Variants in SLCO3A1 observed in about 807,000 individuals in gnomAD.
The protein encoded by SLCO3A1 is PGE1 transporter.
SLCO3A1 carries 27 observed loss-of-function variants against 63.1 expected under a neutral mutation model. The observed-to-expected ratio is 0.43, with a 90% CI of 0.32 to 0.59. The LOEUF (loss-of-function observed/expected upper bound fraction) is 0.59, where lower values mean the gene tolerates loss of function less well. Among genes scored for constraint, SLCO3A1 ranks in the 20% least tolerant of loss-of-function variants. The pLI, the probability that SLCO3A1 is intolerant of heterozygous loss-of-function variation, is 0.09. For synonymous variants in SLCO3A1, 473 were observed against 409.9 expected (o/e 1.15, Z -1.86); for missense variants, 773 against 945.8 (o/e 0.82, Z 2.40).
chr15:92,163,249 A>G lies in SLCO3A1; in HGVS notation c.*114A>G. 1 of 1,410,220 alleles carries G rather than the reference A, an allele frequency of 7.1e-7. No individual in the cohort carries two copies. The allele number at this position is 1,410,220 out of a possible 1,614,324, so 87.4% of individuals were successfully genotyped here. ...ACTCAGTACACACACACAGGCACAG[A>G]TGCACACACACGCAGACAGACACAC... On this transcript the variant is annotated 3_prime_UTR_variant, in exon 10 of 10. Transcript: ENST00000318445.
intron 2 of SLCO3A1, among the ~76,000 whole-genome samples, chr15:92,082,404 G>C (rs1022500359): frequency 6.6e-6 from 1 of 152,184 alleles, no homozygotes; most frequent in Non-Finnish European, 1.5e-5. Context: ...GGAGGCCAAG[G>C]ATGTTCAAGC....
intron 2 of SLCO3A1, among the ~76,000 whole-genome samples, chr15:91,988,732 T>C (rs1349688514): frequency 6.6e-6 from 1 of 152,216 alleles, no homozygotes; most frequent in Non-Finnish European, 1.5e-5. Context: ...CAGGTGATGC[T>C]GATGCTGCTG....
At chr15:91,906,704 A>G (rs1485453506) in intron 1 of SLCO3A1, among the ~76,000 whole-genome samples, 3 of 152,238 alleles carry the variant, frequency 2.0e-5, no homozygotes, top group Non-Finnish European at 4.4e-5. Flanking sequence ...CCCTGGCACC[A>G]CAGAAGTTGG....
chr15:91,922,521 A>T (rs1395895456), intron 2 of SLCO3A1, among the ~76,000 whole-genome samples: 1 of 152,210 alleles, frequency 6.6e-6, no homozygotes, highest in Non-Finnish European at 1.5e-5. Context: ...CCAGCAACCA[A>T]AGAGAACCAA....
chr15:92,137,674 T>A (rs2048076473), intron 7 of SLCO3A1, among the ~76,000 whole-genome samples: 1 of 108,294 alleles, frequency 9.2e-6, no homozygotes, highest in Non-Finnish European at 1.8e-5. Context: ...TTCTAACTGG[T>A]GTGAGATGGT....
intron 6 of SLCO3A1, among the ~76,000 whole-genome samples, chr15:92,126,845 A>G (rs2047930622): frequency 6.6e-6 from 1 of 152,230 alleles, no homozygotes. Flanking sequence ...GGGAGTCTTC[A>G]GCTATCCAGT....
At chr15:91,864,131 C>T (rs915227956) in intron 1 of SLCO3A1, among the ~76,000 whole-genome samples, 1 of 152,176 alleles carries the variant, frequency 6.6e-6, no homozygotes, top group African/African-American at 2.4e-5. Context: ...CAACCTTGTT[C>T]GATTTCTAGA....
chr15:92,162,612 G>C, intron 9 of SLCO3A1, 144 bp from the exon 10 acceptor site: 1 of 1,330,604 alleles, frequency 7.5e-7, no homozygotes, highest in Non-Finnish European at 1.0e-6. Context: ...ACAAACTCAT[G>C]CGCTTTGCCT....
intron 1 of SLCO3A1, among the ~76,000 whole-genome samples, chr15:91,868,507 C>T (rs937579339): frequency 1.3e-5 from 2 of 152,008 alleles, no homozygotes; most frequent in African/African-American, 4.8e-5. Flanking sequence ...AAACTGTAAA[C>T]ATTTTGGCGT....
chr15:92,151,251 T>G, intron 9 of SLCO3A1: 1 of 434,796 alleles, frequency 2.3e-6, no homozygotes, highest in Non-Finnish European at 4.1e-6. Flanking sequence ...CCGTGAATTC[T>G]CATCGGCATA....
chr15:91,960,274 C>T (rs971132720), intron 2 of SLCO3A1, among the ~76,000 whole-genome samples: 3 of 152,170 alleles, frequency 2.0e-5, no homozygotes, highest in Admixed American at 6.5e-5. Context: ...TGAGCCACCA[C>T]GCCCGGCCTT....
At chr15:92,053,692 G>GTTTTTT (rs1491517930) in intron 2 of SLCO3A1, among the ~76,000 whole-genome samples, 1 of 28,960 alleles carries the variant, frequency 3.5e-5, no homozygotes, top group African/African-American at 6.9e-5. Flanking sequence ...TTGTTTGTTT[G>GTTTTTT]TTTGTTTTTT....
In SLCO3A1 at chr15:91,941,601, G is replaced by A. The variant is rs190168778; in HGVS notation, c.646+25143G>A. ...AGTAAGTAATCTTTTCTCTTCCTTC[G>A]TCTTGGAGGTTTTGAAGCTTCTAAT... is the stretch of plus-strand genomic sequence containing the variant. On this transcript the variant is annotated intron_variant, in intron 2 of 9. Coordinates refer to ENST00000318445, the MANE Select transcript of SLCO3A1 (RefSeq NM_013272.4). The surrounding 1 kb of genome is among the most constrained non-coding windows in gnomAD (Gnocchi z 4.4). 8 of 455,532 alleles carry A rather than the reference G, an allele frequency of 1.8e-5. No homozygotes were observed. In the East Asian group the frequency reaches 2.1e-4, roughly 12 times the overall value. The allele number at this position is 455,532 out of a possible 1,614,324, so 28.2% of individuals were successfully genotyped here.
chr15:91,923,890 C>T (rs1460098263), intron 2 of SLCO3A1, among the ~76,000 whole-genome samples: 1 of 152,084 alleles, frequency 6.6e-6, no homozygotes, highest in Non-Finnish European at 1.5e-5. Flanking sequence ...ATTATTTTGT[C>T]AATCTAGAAA....
intron 2 of SLCO3A1, among the ~76,000 whole-genome samples, chr15:91,971,521 T>C (rs1900871448): frequency 6.6e-6 from 1 of 152,006 alleles, no homozygotes; most frequent in African/African-American, 2.4e-5. Flanking sequence ...ATGATTTTAC[T>C]GTTTGAAAAG....
intron 2 of SLCO3A1, among the ~76,000 whole-genome samples, chr15:92,067,374 T>C (rs1289068523): frequency 6.6e-6 from 1 of 152,046 alleles, no homozygotes; most frequent in African/African-American, 2.4e-5. Context: ...AGCCCTCACG[T>C]AGGTCATGTA....
chr15:92,039,934 A>AGCC (rs2046777284), intron 2 of SLCO3A1, among the ~76,000 whole-genome samples: 1 of 152,234 alleles, frequency 6.6e-6, no homozygotes, highest in Non-Finnish European at 1.5e-5. Context: ...TGAAGCTGGA[A>AGCC]GCCATCATCC....
chr15:91,944,477 G>C (rs753211562), intron 2 of SLCO3A1, among the ~76,000 whole-genome samples: 4 of 152,154 alleles, frequency 2.6e-5, no homozygotes, highest in Non-Finnish European at 5.9e-5. Flanking sequence ...AGCAGCTGCA[G>C]CGTGGGGCTC....
intron 5 of SLCO3A1, among the ~76,000 whole-genome samples, chr15:92,125,145 C>T (rs570899066): frequency 1.3e-5 from 2 of 152,166 alleles, no homozygotes; most frequent in African/African-American, 4.8e-5. Context: ...TTTGCATTCC[C>T]TTAGCACATA....
Sources: allele counts gnomAD v4.1 joint callset (sites outside exome capture counted in the v4.1 genomes callset), GRCh38; gene constraint gnomAD v4.1.1; non-coding constraint Gnocchi (gnomAD v3.1); transcripts MANE v1.5; gene names NCBI Gene and HGNC (gene_info 2026-07-23, HGNC 2026-07-21).